The following ZBED6 variants were observed in gnomAD, a reference collection of about 807,000 sequenced individuals.
The protein encoded by ZBED6 is zinc finger BED domain-containing protein 6.
Under a neutral mutation model 58.4 loss-of-function variants are expected in ZBED6, and 40 were observed. The ratio of observed to expected loss-of-function variants is 0.68; its 90% CI spans 0.53 to 0.89. The LOEUF is 0.89. Ranked by LOEUF, ZBED6 falls within the 40% of genes least tolerant of loss-of-function variation. The pLI, the probability that ZBED6 is intolerant of heterozygous loss-of-function variation, is 0.00. For synonymous variants in ZBED6, 439 were observed against 350.6 expected, an observed-to-expected ratio of 1.25 and a Z score of -2.82; for missense variants, 1,057 against 1,003.9, an observed-to-expected ratio of 1.05 and a Z score of -0.71.
chr1:203,807,735 G>A (rs958411242), intron 1 of ZBED6, among the ~76,000 whole-genome samples: 3 of 151,866 alleles, frequency 2.0e-5, no homozygotes, highest in South Asian at 2.1e-4. Context: ...TCACTATGTT[G>A]CCCAGGCTTA....
At chr1:203,806,108 C>A in intron 1 of ZBED6, 2 of 495,996 alleles carry the variant, frequency 4.0e-6, no homozygotes, top group South Asian at 1.6e-5. Flanking sequence ...TTTGTAGGAC[C>A]CCCTCTCATC....
At chr1:203,834,242 T>C (rs1371419161) in intron 9 of ZBED6, 1 of 210,380 alleles carries the variant, frequency 4.8e-6, no homozygotes, top group African/African-American at 2.4e-5. Flanking sequence ...TATATAAAAT[T>C]TGAGTCCTTG....
At chr1:203,823,789 A>G (rs1401864206) in intron 3 of ZBED6, among the ~76,000 whole-genome samples, 1 of 152,254 alleles carries the variant, frequency 6.6e-6, no homozygotes, top group African/African-American at 2.4e-5. Flanking sequence ...GCAATTTGTA[A>G]TAGTAAAATA....
At chr1:203,800,423 T>G (rs1177094940) in exon 1 of ZBED6, 1 of 1,364,746 alleles carries the variant, frequency 7.3e-7, no homozygotes, top group Non-Finnish European at 1.0e-6. Flanking sequence ...CTGAGCAGAA[T>G]GAAGTTGTTC....
chr1:203,797,401 G>A, exon 1 of ZBED6: 1 of 957,234 alleles, frequency 1.0e-6, no homozygotes, highest in Non-Finnish European at 1.5e-6. Flanking sequence ...GGTCCAGTGG[G>A]AATTTGATTC....
At chr1:203,808,173 A>G (rs1049731787) in intron 1 of ZBED6, among the ~76,000 whole-genome samples, 3 of 152,208 alleles carry the variant, frequency 2.0e-5, no homozygotes, top group African/African-American at 4.8e-5. Flanking sequence ...TTTTGTATCT[A>G]AAAACTTCTA....
At position 203,844,084 on chromosome 1, in the gene ZBED6, C is replaced by T. The variant is rs549076718; in HGVS notation, c.*3742-3100C>T. Among the ~76,000 whole-genome samples, 11 of 152,104 alleles carry T rather than the reference C, an allele frequency of 7.2e-5. 1 individual carries two copies. The South Asian group carries it at 1.9e-3, about 26-fold the overall frequency. On this transcript the variant is annotated intron_variant, in intron 11 of 16. Transcript: ENST00000550078. ...GTTGGTCAGGCTGGTCTCGAACTCC[C>T]GACCTCAGATGATCTGCCCACTTTG...
At chr1:203,818,287 A>G (rs374663840) in intron 2 of ZBED6, among the ~76,000 whole-genome samples, 66 of 152,288 alleles carry the variant, frequency 4.3e-4, no homozygotes, top group African/African-American at 1.5e-3. Context: ...TGTAAAATAC[A>G]TTTTTAAAGA....
chr1:203,846,202 A>G (rs987867073), intron 11 of ZBED6, among the ~76,000 whole-genome samples: 5 of 150,260 alleles, frequency 3.3e-5, no homozygotes, highest in Non-Finnish European at 5.9e-5. Context: ...GTGATTACAT[A>G]TATATGTGTA....
intron 3 of ZBED6, among the ~76,000 whole-genome samples, chr1:203,822,219 A>G (rs529501722): frequency 3.3e-5 from 5 of 152,102 alleles, no homozygotes; most frequent in African/African-American, 9.6e-5. Flanking sequence ...TAATACTTTT[A>G]TTTATTTGAT....
intron 11 of ZBED6, 44 bp downstream of exon 11, chr1:203,840,418 C>T (rs755214502): frequency 6.4e-7 from 1 of 1,568,928 alleles, no homozygotes; most frequent in Non-Finnish European, 8.7e-7. Context: ...TTTTTCTTTG[C>T]TGTAAGAGCC....
chr1:203,829,503 A>G (rs751535089), exon 5 of ZBED6: 13 of 1,613,888 alleles, frequency 8.1e-6, no homozygotes, highest in African/African-American at 5.3e-5. Context: ...AGGCTAGCCA[A>G]CTTTCAGTTC....
chr1:203,847,467 A>G lies in ZBED6; in HGVS notation c.*4025A>G, dbSNP rs1688200802. 3 of 1,613,994 alleles carry G rather than the reference A, an allele frequency of 1.9e-6. No homozygotes were observed. The Admixed American group carries it at 5.0e-5, about 27-fold the overall frequency. On this transcript the variant is annotated 3_prime_UTR_variant, in exon 12 of 17. Coordinates refer to ENST00000550078, the Ensembl canonical transcript of ZBED6. ...TAAAGATTGATAGTGAAATTAAAAA[A>G]ACAGTAGTTTTGCCACCCATTGTTG...
At chr1:203,840,355 A>G in exon 11 of ZBED6, 1 of 1,613,220 alleles carries the variant, frequency 6.2e-7, no homozygotes, top group Non-Finnish European at 8.5e-7. Flanking sequence ...CAGCTGATCC[A>G]GATAATGAGG....
intron 3 of ZBED6, among the ~76,000 whole-genome samples, chr1:203,820,394 C>T (rs1190581564): frequency 1.3e-5 from 2 of 151,814 alleles, no homozygotes; most frequent in South Asian, 2.1e-4. Context: ...GAATGTTCTT[C>T]AATTTGGGTT....
intron 10 of ZBED6, among the ~76,000 whole-genome samples, chr1:203,838,954 CAAAA>C: frequency 1.0e-5 from 1 of 97,942 alleles, no homozygotes; most frequent in African/African-American, 4.3e-5. Context: ...GACTTCATCT[CAAAA>C]AAAAAAAAAA....
intron 9 of ZBED6, 61 bp downstream of exon 9, chr1:203,833,914 T>C: frequency 6.4e-7 from 1 of 1,551,248 alleles, no homozygotes; most frequent in East Asian, 2.3e-5. Flanking sequence ...ACATGATAGC[T>C]TCTCCAAACT....
intron 11 of ZBED6, among the ~76,000 whole-genome samples, chr1:203,842,625 C>CTT (rs575844553): frequency 3.2e-4 from 41 of 128,320 alleles, no homozygotes; most frequent in East Asian, 1.1e-3. Flanking sequence ...GAGGGGGAAT[C>CTT]TTTTTTTTTT....
At chr1:203,808,584 G>A (rs1320097498) in intron 1 of ZBED6, among the ~76,000 whole-genome samples, 1 of 151,944 alleles carries the variant, frequency 6.6e-6, no homozygotes, top group Non-Finnish European at 1.5e-5. Context: ...GAGTTTTCTG[G>A]AATTATTTTC....
Sources: allele counts gnomAD v4.1 joint callset (sites outside exome capture counted in the v4.1 genomes callset), GRCh38; gene constraint gnomAD v4.1.1; transcripts MANE v1.5; gene names NCBI Gene and HGNC (gene_info 2026-07-23, HGNC 2026-07-21).